The following FAT3 variants were observed in gnomAD, a reference collection of about 807,000 sequenced individuals.
FAT3 encodes the protein FAT atypical cadherin 3.
In FAT3, 95 loss-of-function variants were observed where a neutral mutation model predicts 310.2. The ratio of observed to expected loss-of-function variants is 0.31; its 90% CI spans 0.26 to 0.36. FAT3 has a LOEUF of 0.36. FAT3 is among the 10% of genes least tolerant of loss of function. FAT3 has a pLI of 1.00. For synonymous variants in FAT3, 2,314 were observed against 2,192.9 expected (o/e 1.06, Z -1.54); for missense variants, 5,408 against 5,715.6 (o/e 0.95, Z 1.74).
At chr11:92,600,481 A>G (rs767071882) in intron 3 of FAT3, among the ~76,000 whole-genome samples, 29 of 152,070 alleles carry the variant, frequency 1.9e-4, no homozygotes, top group Non-Finnish European at 3.4e-4. Flanking sequence ...ATTTAGATTA[A>G]GTGAAGTCAT....
intron 3 of FAT3, among the ~76,000 whole-genome samples, chr11:92,612,331 A>G (rs986787499): frequency 2.0e-5 from 3 of 152,210 alleles, no homozygotes; most frequent in African/African-American, 7.2e-5. Context: ...AATGAGAATG[A>G]GAAGAAATCA....
chr11:92,659,118 A>C (rs1942682734), intron 3 of FAT3, among the ~76,000 whole-genome samples: 4 of 152,188 alleles, frequency 2.6e-5, no homozygotes, highest in Admixed American at 2.6e-4. Context: ...AAAATGTGGT[A>C]GGCATTTTTA....
chr11:92,288,384 A>C (rs574506764), intron 1 of FAT3, among the ~76,000 whole-genome samples: 19 of 152,292 alleles, frequency 1.2e-4, no homozygotes, highest in Non-Finnish European at 2.5e-4. Context: ...GCATTGCACC[A>C]GTAGTCAACC....
At chr11:92,515,478 A>C (rs563171912) in intron 2 of FAT3, among the ~76,000 whole-genome samples, 3 of 152,278 alleles carry the variant, frequency 2.0e-5, no homozygotes, top group South Asian at 4.1e-4. Flanking sequence ...ACACTTCTCT[A>C]TCAGAGGGGA....
At chr11:92,575,772 GTTTT>G (rs1938450111) in intron 3 of FAT3, among the ~76,000 whole-genome samples, 1 of 151,638 alleles carries the variant, frequency 6.6e-6, no homozygotes, top group Admixed American at 6.6e-5. Context: ...TTTTTTGTTT[GTTTT>G]TTTACAAATT....
intron 1 of FAT3, among the ~76,000 whole-genome samples, chr11:92,252,974 T>C (rs1483035042): frequency 8.5e-5 from 13 of 152,116 alleles, no homozygotes; most frequent in South Asian, 2.1e-4. Context: ...ATTGCAGATA[T>C]TCCATTTGGC....
At chr11:92,737,018 T>C (rs1945368135) in intron 4 of FAT3, among the ~76,000 whole-genome samples, 1 of 152,162 alleles carries the variant, frequency 6.6e-6, no homozygotes, top group Non-Finnish European at 1.5e-5. Flanking sequence ...ATTATTTTCC[T>C]GTGATGGCTA....
intron 1 of FAT3, among the ~76,000 whole-genome samples, chr11:92,319,018 C>T (rs1947539110): frequency 6.6e-6 from 1 of 152,188 alleles, no homozygotes; most frequent in Non-Finnish European, 1.5e-5. Flanking sequence ...CTCATGGAAC[C>T]TTCTCGTGGG....
chr11:92,854,726 C>T (rs556259078), intron 19 of FAT3, among the ~76,000 whole-genome samples: 2 of 152,246 alleles, frequency 1.3e-5, no homozygotes, highest in South Asian at 4.1e-4. Flanking sequence ...ATTATCTGGC[C>T]CTTTTTTCCC....
At chr11:92,442,716 G>A (rs1427119204) in intron 2 of FAT3, among the ~76,000 whole-genome samples, 3 of 152,140 alleles carry the variant, frequency 2.0e-5, no homozygotes, top group Middle Eastern at 3.4e-3. Flanking sequence ...ATATTTGCCT[G>A]CTAGTCTGGT....
intron 4 of FAT3, among the ~76,000 whole-genome samples, chr11:92,706,272 A>G (rs1378057791): frequency 6.6e-6 from 1 of 152,148 alleles, no homozygotes; most frequent in Admixed American, 6.5e-5. Flanking sequence ...TCTGAAGAGT[A>G]AATATTGAAT....
At chr11:92,347,382 G>C (rs957911258) in intron 1 of FAT3, among the ~76,000 whole-genome samples, 4 of 152,114 alleles carry the variant, frequency 2.6e-5, no homozygotes, top group Admixed American at 2.6e-4. Context: ...TCCCGATTTG[G>C]CTAACAAAAT....
At position 92,800,732 on chromosome 11, in the gene FAT3, G is replaced by A. The variant is rs1486467986; in HGVS notation, c.7719G>A (p.Arg2573=). The change falls in exon 10 of 28, where the codon AGG becomes AGA. Residue 2573 remains arginine (R), a synonymous_variant. Coordinates refer to ENST00000525166, the MANE Select transcript of FAT3 (RefSeq NM_001367949.2). ...PLEGDVSIFV[R]ALDGGGRTTF... ...AAGGGGATGTTAGTATTTTTGTGAG[G>A]GCCCTTGATGGTGGAGGGAGAACAA... 1 of 1,613,880 alleles carries A rather than the reference G, an allele frequency of 6.2e-7. No individual in the cohort carries two copies. The highest frequency in any genetic ancestry group is 1.7e-5 in the Admixed American group (1 of 60,020).
chr11:92,632,169 G>A (rs1941580235), intron 3 of FAT3, among the ~76,000 whole-genome samples: 1 of 152,180 alleles, frequency 6.6e-6, no homozygotes. Context: ...GAAGACTTGT[G>A]GGATAGTTTG....
intron 4 of FAT3, among the ~76,000 whole-genome samples, chr11:92,701,528 T>G (rs1944096455): frequency 1.3e-5 from 2 of 152,250 alleles, no homozygotes; most frequent in Non-Finnish European, 2.9e-5. Context: ...TTCTAAGTGT[T>G]AACTCTTGCC....
rs1390596924 is a variant in FAT3, at chr11:92,249,148, G to A, written c.-18+23974G>A. Among the ~76,000 whole-genome samples, 4 of 152,082 alleles carry A rather than the reference G, an allele frequency of 2.6e-5. No homozygotes were observed. In the South Asian group the frequency reaches 8.3e-4, roughly 32 times the overall value. On this transcript the variant is annotated intron_variant, in intron 1 of 27. Transcript: ENST00000525166. ...ATTTGTTATTTAAAAGTAAGTTAAA[G>A]TACCTGCGTTTTGTTCATGAAATAT...
chr11:92,315,504 TATATATATAG>T lies in FAT3; in HGVS notation c.-17-36590_-17-36581del, dbSNP rs1420268890. 8.5e-3 allele frequency among the ~76,000 whole-genome samples: 776 copies of T among 90,866 alleles called. 2 individuals are homozygous for T. The highest frequency in any genetic ancestry group is 0.023 in the African/African-American group (525 of 23,090). The allele number at this position is 90,866 out of a possible 152,430, so 59.6% of individuals were successfully genotyped here. ...GTATATATATATATATATATATATATATATATATAGAGAGAGAGAGAGAGAGAGAGAGAGA... is the reference window on the plus strand; with the variant it reads ...GTATATATATATATATATATATATATAGAGAGAGAGAGAGAGAGAGAGAGA... On this transcript the variant is annotated intron_variant, in intron 1 of 27. Transcript: ENST00000525166.
rs766498503 is a variant in FAT3, at chr11:92,798,927, G to T, written c.5914G>T (p.Val1972Phe). The T allele has an allele frequency of 9.9e-6, 16 of 1,614,006 alleles. No individual in the cohort carries two copies. Among genetic ancestry groups the T allele is most frequent in the Non-Finnish European group, 1.3e-5 (15 of 1,179,882 alleles). Residue 1972 changes from valine (V) to phenylalanine (F), a missense_variant, in exon 10 of 28, where the codon GTT (valine) becomes TTT (phenylalanine). Val to Phe is a conservative substitution (Grantham distance 50, BLOSUM62 -1). This residue lies in a region of FAT3 where 4,588 missense variants were observed against 4,809.8 expected (regional missense o/e 0.95). Transcript: ENST00000525166. ...CAGTACCTCCATGGTCACCATCATG[G>T]TTAAAGAAGCCATGGACAGCGGCCT... The part of the protein sequence containing the change: ...FYSTSMVTIM[V>F]KEAMDSGLHF...
In FAT3 at chr11:92,578,121, G is replaced by T. The variant is rs562494183; in HGVS notation, c.3607+53173G>T. ...TACGTGTTGTGTTTAGAAAATATGT[G>T]CAGGCTAATAAATTATTAAAGAAAT... On this transcript the variant is annotated intron_variant, in intron 3 of 27. Coordinates refer to ENST00000525166, the MANE Select transcript of FAT3 (RefSeq NM_001367949.2). 2.0e-4 allele frequency among the ~76,000 whole-genome samples: 31 copies of T among 152,164 alleles called. No homozygotes were observed. The South Asian group carries it at 5.0e-3, about 24-fold the overall frequency.
Sources: allele counts gnomAD v4.1 joint callset (sites outside exome capture counted in the v4.1 genomes callset), GRCh38; gene constraint gnomAD v4.1.1; regional missense constraint gnomAD v4.1.1; transcripts MANE v1.5; gene names NCBI Gene and HGNC (gene_info 2026-07-23, HGNC 2026-07-21).